The following CDH13 variants were observed in gnomAD, a reference collection of about 807,000 sequenced individuals.
CDH13 encodes cadherin-13.
A neutral mutation model predicts 63.8 loss-of-function variants in CDH13; 24 were observed. The observed-to-expected ratio is 0.38, with a 90% confidence interval of 0.27 to 0.53. The LOEUF is 0.53. Ranked by LOEUF, CDH13 falls within the 20% of genes least tolerant of loss-of-function variation. CDH13 has a pLI of 0.85. For synonymous variants in CDH13, 503 were observed against 355.3 expected, an observed-to-expected ratio of 1.42 and a Z score of -4.67; for missense variants, 1,049 against 903.1, an observed-to-expected ratio of 1.16 and a Z score of -2.07.
At chr16:83,196,513 A>G (rs1395309004) in intron 4 of CDH13, among the ~76,000 whole-genome samples, 1 of 152,222 alleles carries the variant, frequency 6.6e-6, no homozygotes, top group Non-Finnish European at 1.5e-5. Flanking sequence ...ATAGACTAGG[A>G]GAAAATACTT....
intron 8 of CDH13, among the ~76,000 whole-genome samples, chr16:83,606,686 C>T (rs537504004): frequency 6.7e-6 from 1 of 149,314 alleles, no homozygotes; most frequent in East Asian, 2.0e-4. Flanking sequence ...ATGATCACAC[C>T]ACTGCACTCC....
intron 5 of CDH13, among the ~76,000 whole-genome samples, chr16:83,339,759 T>G (rs1173182784): frequency 6.6e-6 from 1 of 152,146 alleles, no homozygotes; most frequent in Admixed American, 6.6e-5. Context: ...GCAGGTGGCA[T>G]CTGGATCTCC....
chr16:83,403,528 C>G (rs542059370), intron 6 of CDH13, among the ~76,000 whole-genome samples: 2 of 152,066 alleles, frequency 1.3e-5, no homozygotes, highest in African/African-American at 2.4e-5. Flanking sequence ...GAGGCTGAGA[C>G]AGGAGAGTGG....
intron 2 of CDH13, among the ~76,000 whole-genome samples, chr16:82,905,135 G>C (rs2041598897): frequency 2.0e-5 from 3 of 152,146 alleles, no homozygotes; most frequent in African/African-American, 7.2e-5. Context: ...TTCACAATGA[G>C]CCACGGCTGC....
chr16:82,933,072 A>G (rs909044944), intron 2 of CDH13, among the ~76,000 whole-genome samples: 1 of 152,114 alleles, frequency 6.6e-6, no homozygotes, highest in Non-Finnish European at 1.5e-5. Context: ...AATCTTTAGG[A>G]AGGCTGAATC....
Position 82,982,541 on chromosome 16 carries a change from G to C in CDH13, c.158-49469G>C, listed in dbSNP as rs188340767. Among the ~76,000 whole-genome samples the C allele has an allele frequency of 2.5e-3, 381 of 152,244 alleles. 1 individual carries two copies. Among genetic ancestry groups the C allele is most frequent in the Middle Eastern group, 0.017 (5 of 294 alleles). On this transcript the variant is annotated intron_variant, in intron 2 of 13. Transcript: ENST00000567109. ...TTCCTCCATGTTCAAAGCTGCATTT[G>C]CATGGCTTCAACTATCAGTTCTATG... is the stretch of plus-strand genomic sequence containing the variant.
intron 2 of CDH13, among the ~76,000 whole-genome samples, chr16:82,966,445 C>A (rs979076178): frequency 2.0e-5 from 3 of 152,180 alleles, no homozygotes; most frequent in East Asian, 3.9e-4. Flanking sequence ...GCGCGCCTGG[C>A]CTATTTTTCC....
intron 4 of CDH13, among the ~76,000 whole-genome samples, chr16:83,148,585 A>T (rs1597419556): frequency 6.6e-6 from 1 of 152,162 alleles, no homozygotes; most frequent in South Asian, 2.1e-4. Context: ...GCCTCATAGG[A>T]TTTTCCAGAG....
At chr16:83,548,633 A>T (rs1006262186) in intron 7 of CDH13, among the ~76,000 whole-genome samples, 1 of 152,066 alleles carries the variant, frequency 6.6e-6, no homozygotes, top group African/African-American at 2.4e-5. Flanking sequence ...GTCAATGGAG[A>T]CCAGAAGATG....
intron 1 of CDH13, among the ~76,000 whole-genome samples, chr16:82,637,129 C>T (rs1048308262): frequency 3.3e-5 from 5 of 152,132 alleles, no homozygotes; most frequent in African/African-American, 1.2e-4. Flanking sequence ...GGACCTTTGG[C>T]CAGGATCCTA....
chr16:82,779,403 C>T (rs2035646610), intron 1 of CDH13, among the ~76,000 whole-genome samples: 1 of 152,180 alleles, frequency 6.6e-6, no homozygotes, highest in South Asian at 2.1e-4. Context: ...GTCCAAGCGT[C>T]CACTTAAATC....
At chr16:83,020,535 C>T (rs774894637) in intron 2 of CDH13, among the ~76,000 whole-genome samples, 2 of 152,220 alleles carry the variant, frequency 1.3e-5, no homozygotes, top group Non-Finnish European at 2.9e-5. Flanking sequence ...GGCCACCCTG[C>T]TGCTCAGCAT....
intron 2 of CDH13, among the ~76,000 whole-genome samples, chr16:82,895,483 T>C (rs1024162785): frequency 6.6e-6 from 1 of 152,178 alleles, no homozygotes; most frequent in East Asian, 1.9e-4. Context: ...TCTCCTCAAG[T>C]GGTGTGTTTG....
chr16:83,168,830 A>G (rs1393637209), intron 4 of CDH13, among the ~76,000 whole-genome samples: 1 of 152,148 alleles, frequency 6.6e-6, no homozygotes, highest in African/African-American at 2.4e-5. Flanking sequence ...TGTTCTCTTC[A>G]TAAAGTTCTT....
intron 3 of CDH13, among the ~76,000 whole-genome samples, chr16:83,095,167 C>A (rs1000866644): frequency 1.3e-5 from 2 of 152,192 alleles, no homozygotes; most frequent in African/African-American, 4.8e-5. Context: ...AATACTCACA[C>A]TGTGGCTGAT....
chr16:83,341,119 C>T (rs2090711863), intron 5 of CDH13, among the ~76,000 whole-genome samples: 2 of 152,174 alleles, frequency 1.3e-5, no homozygotes, highest in South Asian at 4.1e-4. Context: ...AGAATGCCTC[C>T]CTTTGAATGC....
chr16:83,392,436 G>C (rs1431331345), intron 6 of CDH13, among the ~76,000 whole-genome samples: 3 of 152,210 alleles, frequency 2.0e-5, no homozygotes, highest in Admixed American at 6.5e-5. Flanking sequence ...AAGATTCTGA[G>C]TGCTATTTCA....
At chr16:82,873,840 A>G (rs1180467655) in intron 2 of CDH13, among the ~76,000 whole-genome samples, 1 of 152,178 alleles carries the variant, frequency 6.6e-6, no homozygotes, top group Non-Finnish European at 1.5e-5. Context: ...CCTCTGAAAG[A>G]GAGCATATTT....
At chr16:83,345,070 G>A in intron 6 of CDH13, 64 bp downstream of exon 6, 1 of 1,561,896 alleles carries the variant, frequency 6.4e-7, no homozygotes, top group African/African-American at 1.4e-5. Flanking sequence ...GATCTTTGTG[G>A]ATTCTAGGGA....
Sources: gnomAD v4.1 joint callset for allele counts (sites outside exome capture counted in the v4.1 genomes callset) on GRCh38, gnomAD v4.1.1 for gene constraint, MANE v1.5 for transcripts, NCBI Gene and HGNC (gene_info 2026-07-23, HGNC 2026-07-21) for gene names.